INPP4B: variants seen among roughly 807,000 people sequenced by gnomAD.
The protein encoded by INPP4B is inositol polyphosphate-4-phosphatase type II B, also known as inositol polyphosphate 4-phosphatase type II.
In INPP4B, 55 loss-of-function variants were observed where a neutral mutation model predicts 122.5. The observed-to-expected ratio is 0.45, with a 90% confidence interval of 0.36 to 0.56. The LOEUF is 0.56. INPP4B is among the 20% of genes least tolerant of loss of function. INPP4B has a pLI of 0.00. For synonymous variants in INPP4B, 403 were observed against 388.7 expected, an observed-to-expected ratio of 1.04 and a Z score of -0.43; for missense variants, 1,000 against 1,097.7, an observed-to-expected ratio of 0.91 and a Z score of 1.26.
intron 2 of INPP4B, among the ~76,000 whole-genome samples, chr4:142,521,261 A>G (rs1213769277): frequency 1.3e-5 from 2 of 152,004 alleles, no homozygotes; most frequent in Non-Finnish European, 2.9e-5. Context: ...TCATTAAGAC[A>G]AAAATAAAAG....
intron 2 of INPP4B, among the ~76,000 whole-genome samples, chr4:142,543,303 C>G (rs550972041): frequency 6.6e-6 from 1 of 152,048 alleles, no homozygotes; most frequent in Non-Finnish European, 1.5e-5. Context: ...TTTAACTGTC[C>G]TGTTACCATT....
At chr4:142,471,427 C>T (rs537464129) in intron 2 of INPP4B, among the ~76,000 whole-genome samples, 23 of 152,280 alleles carry the variant, frequency 1.5e-4, no homozygotes, top group African/African-American at 3.6e-4. Flanking sequence ...ATCTCTCCTA[C>T]GTCAAGGAAA....
rs1030946806 is a variant in INPP4B at position 142,197,081 on chromosome 4, G to A, written c.1073-3886C>T. ...GCAGAGGTTGCAGTGAGCCGAGATC[G>A]CGCCATTGCACTCCAGCCTGGGCAA... On this transcript the variant is annotated intron_variant, in intron 14 of 25. Coordinates refer to ENST00000262992, the MANE Select transcript of INPP4B (RefSeq NM_001101669.3). Among the ~76,000 whole-genome samples, 9 of 117,670 alleles carry A rather than the reference G, an allele frequency of 7.6e-5. No homozygotes were observed. In the East Asian group the frequency reaches 1.0e-3, roughly 14 times the overall value. The allele number at this position is 117,670 out of a possible 152,430, so 77.2% of individuals were successfully genotyped here.
chr4:142,382,500 C>A (rs1039736232), intron 7 of INPP4B, among the ~76,000 whole-genome samples: 1 of 148,600 alleles, frequency 6.7e-6, no homozygotes, highest in Non-Finnish European at 1.5e-5. Flanking sequence ...CAGTGAGACT[C>A]CGTTTCAAAA....
intron 2 of INPP4B, among the ~76,000 whole-genome samples, chr4:142,674,059 A>T (rs937600213): frequency 3.3e-5 from 5 of 152,176 alleles, no homozygotes; most frequent in Non-Finnish European, 7.3e-5. Context: ...GTCTGCATCC[A>T]GTAATTAAGC....
rs1399282048 is a variant in INPP4B, at chr4:142,403,016, G to T, written c.294C>A (p.Phe98Leu). ...RDPLFLTGVT[F>L]PSEYPIYEET... ...CCTCATAGATGGGATACTCAGATGG[G>T]AATGTGACACCAGTCAAAAACAGTG... Residue 98 changes from phenylalanine to leucine, a missense_variant, in exon 7 of 26, where the codon TTC (phenylalanine) becomes TTA (leucine). Transcript: ENST00000262992. 1 of 1,610,992 alleles carries T rather than the reference G, an allele frequency of 6.2e-7. No homozygotes were observed.
intron 9 of INPP4B, among the ~76,000 whole-genome samples, chr4:142,293,224 G>C (rs1757198378): frequency 6.6e-6 from 1 of 151,868 alleles, no homozygotes; most frequent in African/African-American, 2.4e-5. Context: ...ATTTTTAGTA[G>C]AGACGGGGTT....
In INPP4B at chr4:142,645,772, G is replaced by A. The variant is rs1751636544; in HGVS notation, c.-191+80067C>T. Among the ~76,000 whole-genome samples the A allele has an allele frequency of 2.6e-5, 4 of 152,302 alleles. No individual in the cohort carries two copies. The South Asian group carries it at 8.3e-4, about 32-fold the overall frequency. ...AAATAAACTCTATCTATAAGCCACT[G>A]CCATTTTGGTTTCTTTTTTCCCCCC... On this transcript the variant is annotated intron_variant, in intron 2 of 25. Coordinates refer to ENST00000262992, the MANE Select transcript of INPP4B (RefSeq NM_001101669.3).
intron 2 of INPP4B, among the ~76,000 whole-genome samples, chr4:142,566,455 G>A (rs141803205): frequency 6.9e-4 from 105 of 152,318 alleles, no homozygotes; most frequent in African/African-American, 2.4e-3. Context: ...TATGCAGAAG[G>A]TGAGTCAATG....
intron 2 of INPP4B, among the ~76,000 whole-genome samples, chr4:142,469,388 C>T (rs184156401): frequency 1.2e-4 from 18 of 152,026 alleles, no homozygotes; most frequent in African/African-American, 2.9e-4. Flanking sequence ...AACTGTAACA[C>T]GTGTAAGTGG....
Position 142,139,855 on chromosome 4 carries a change from T to C in INPP4B, c.1720+5985A>G, listed in dbSNP as rs75179134. Among the ~76,000 whole-genome samples the C allele has an allele frequency of 7.3e-3, 1,108 of 152,284 alleles. 19 individuals carry two copies. The highest frequency in any genetic ancestry group is 0.025 in the African/African-American group (1,047 of 41,566). On this transcript the variant is annotated intron_variant, in intron 18 of 25. Transcript: ENST00000262992. Reference sequence around the variant, plus strand: ...GTCGGTTTGTTTGCTTGTTTACTTTTTGTATACAGATGGGCTCTCACCATG... The same window carrying C: ...GTCGGTTTGTTTGCTTGTTTACTTTCTGTATACAGATGGGCTCTCACCATG...
intron 23 of INPP4B, among the ~76,000 whole-genome samples, chr4:142,087,032 G>C (rs1247690014): frequency 1.3e-5 from 2 of 152,138 alleles, no homozygotes; most frequent in Non-Finnish European, 2.9e-5. Context: ...AAGTGTCCTT[G>C]AACTCAGCAC....
intron 2 of INPP4B, among the ~76,000 whole-genome samples, chr4:142,610,744 G>T (rs1654135956): frequency 6.6e-6 from 1 of 152,056 alleles, no homozygotes; most frequent in Non-Finnish European, 1.5e-5. Context: ...TTATTACCCT[G>T]AGAATATTTT....
At chr4:142,429,985 G>C (rs1808939581) in intron 4 of INPP4B, among the ~76,000 whole-genome samples, 1 of 151,996 alleles carries the variant, frequency 6.6e-6, no homozygotes. Context: ...TACAACTCAA[G>C]GGTGGCCAAA....
chr4:142,197,415 A>C lies in INPP4B; in HGVS notation c.1073-4220T>G, dbSNP rs544699844. Among the ~76,000 whole-genome samples the C allele has an allele frequency of 2.0e-5, 3 of 152,258 alleles. No individual in the cohort carries two copies. The South Asian group carries it at 6.2e-4, about 32-fold the overall frequency. On this transcript the variant is annotated intron_variant, in intron 14 of 25. Transcript: ENST00000262992. ...CCACCTTCTCTGTGAAATCTTTCTG[A>C]ATATTCCAGTCAGAATAATAATTTT... is the stretch of plus-strand genomic sequence containing the variant.
chr4:142,846,509 G>A (rs1265410790), upstream of INPP4B, among the ~76,000 whole-genome samples: 2 of 152,124 alleles, frequency 1.3e-5, no homozygotes, highest in Admixed American at 1.3e-4. The surrounding 1 kb of genome is among the most constrained non-coding windows in gnomAD (Gnocchi z 5.1). Context: ...CAGAGAAGTT[G>A]TCACCAGCGC....
At chr4:142,843,752 G>T (rs78959586) in intron 1 of INPP4B, among the ~76,000 whole-genome samples, 3,769 of 151,990 alleles carry the variant, frequency 0.025, 71 homozygotes, top group Non-Finnish European at 0.041. Flanking sequence ...CCACTCATTT[G>T]GTTGCTATGA....
At chr4:142,382,766 A>C (rs1314735737) in intron 7 of INPP4B, among the ~76,000 whole-genome samples, 1 of 150,232 alleles carries the variant, frequency 6.7e-6, no homozygotes, top group Non-Finnish European at 1.5e-5. Context: ...TTTATTTACC[A>C]AGGTGTCTTG....
At chr4:142,634,852 C>A (rs962831234) in intron 2 of INPP4B, among the ~76,000 whole-genome samples, 1 of 151,752 alleles carries the variant, frequency 6.6e-6, no homozygotes, top group Non-Finnish European at 1.5e-5. Flanking sequence ...GGTATAAGAA[C>A]TGGAAAAAAA....
Sources: allele counts gnomAD v4.1 joint callset (sites outside exome capture counted in the v4.1 genomes callset), GRCh38; gene constraint gnomAD v4.1.1; non-coding constraint Gnocchi (gnomAD v3.1); transcripts MANE v1.5; gene names NCBI Gene and HGNC (gene_info 2026-07-23, HGNC 2026-07-21).